Variants in RBFOX1 observed in about 807,000 individuals in gnomAD.
RBFOX1 encodes RNA binding fox-1 homolog 1, also known as RNA binding protein fox-1 homolog 1.
In RBFOX1, 8 loss-of-function variants were observed where a neutral mutation model predicts 57.7. The observed-to-expected ratio is 0.14, with a 90% CI of 0.08 to 0.25. The LOEUF (loss-of-function observed/expected upper bound fraction) is 0.25, where lower values mean the gene tolerates loss of function less well. Among genes scored for constraint, RBFOX1 ranks in the 10% least tolerant of loss-of-function variants. RBFOX1 has a pLI of 1.00. For missense variants in RBFOX1, 611 were observed against 548.5 expected (o/e 1.11, Z -1.14); for synonymous variants, 326 against 222.4 (o/e 1.47, Z -4.15).
At chr16:6,168,236 C>T (rs184385110) in intron 1 of RBFOX1, among the ~76,000 whole-genome samples, 3 of 152,312 alleles carry the variant, frequency 2.0e-5, no homozygotes, top group African/African-American at 7.2e-5. Flanking sequence ...TTAATCTGTT[C>T]ACATGAGAAA....
At chr16:6,844,427 ATAAG>A (rs1302702045) in intron 3 of RBFOX1, among the ~76,000 whole-genome samples, 1 of 152,096 alleles carries the variant, frequency 6.6e-6, no homozygotes, top group Admixed American at 6.5e-5. Context: ...CCTACTACTT[ATAAG>A]TAAGAACATG....
intron 4 of RBFOX1, among the ~76,000 whole-genome samples, chr16:7,122,920 T>C (rs957420246): frequency 6.6e-6 from 1 of 152,132 alleles, no homozygotes; most frequent in Non-Finnish European, 1.5e-5. Flanking sequence ...TTCAAAAGCA[T>C]TATGCTAAGA....
intron 1 of RBFOX1, among the ~76,000 whole-genome samples, chr16:5,465,387 G>C (rs1051270488): frequency 6.6e-6 from 1 of 152,160 alleles, no homozygotes; most frequent in Admixed American, 6.5e-5. Context: ...CTCTTTAAAG[G>C]TCCTGTCTGC....
chr16:5,471,702 A>G (rs972523156), intron 2 of RBFOX1, among the ~76,000 whole-genome samples: 13 of 152,212 alleles, frequency 8.5e-5, no homozygotes, highest in Non-Finnish European at 1.6e-4. Context: ...GGACCTCGGG[A>G]GTATTTACAC....
intron 1 of RBFOX1, among the ~76,000 whole-genome samples, chr16:5,388,867 G>C (rs910899782): frequency 1.3e-5 from 2 of 150,640 alleles, no homozygotes; most frequent in Admixed American, 1.3e-4. Flanking sequence ...GTGAGTCACC[G>C]CGCCTTGCCA....
chr16:5,427,701 T>C (rs1419603351), intron 1 of RBFOX1, among the ~76,000 whole-genome samples: 2 of 152,164 alleles, frequency 1.3e-5, no homozygotes, highest in African/African-American at 2.4e-5. Flanking sequence ...TCAAAGGCCG[T>C]CTGCTGTAAG....
intron 3 of RBFOX1, among the ~76,000 whole-genome samples, chr16:5,795,710 A>C (rs984000573): frequency 1.3e-5 from 2 of 152,158 alleles, no homozygotes; most frequent in African/African-American, 4.8e-5. Context: ...TGGCCTCCTA[A>C]ATAGATCCAT....
intron 3 of RBFOX1, among the ~76,000 whole-genome samples, chr16:6,840,006 T>C (rs1186244392): frequency 2.6e-5 from 4 of 152,168 alleles, no homozygotes; most frequent in Non-Finnish European, 5.9e-5. Context: ...CAAAATAATA[T>C]CTGTAGCAAC....
chr16:6,120,710 T>C (rs1397217660), intron 1 of RBFOX1, among the ~76,000 whole-genome samples: 2 of 152,232 alleles, frequency 1.3e-5, no homozygotes, highest in East Asian at 3.9e-4. Context: ...TTTTATGTTC[T>C]TGCTTGTGGC....
At chr16:6,686,525 A>C (rs1167903347) in intron 3 of RBFOX1, among the ~76,000 whole-genome samples, 2 of 152,206 alleles carry the variant, frequency 1.3e-5, no homozygotes, top group East Asian at 1.9e-4. Flanking sequence ...TCTTCCATCC[A>C]TGAAATTATA....
At chr16:7,481,065 G>C (rs1008518545) in intron 4 of RBFOX1, among the ~76,000 whole-genome samples, 12 of 152,100 alleles carry the variant, frequency 7.9e-5, no homozygotes, top group African/African-American at 2.9e-4. Flanking sequence ...TTGAATTCTA[G>C]CTCTTCCTAT....
chr16:6,020,979 C>T (rs2095063081), intron 1 of RBFOX1, among the ~76,000 whole-genome samples: 1 of 152,202 alleles, frequency 6.6e-6, no homozygotes, highest in Non-Finnish European at 1.5e-5. Flanking sequence ...GAGCTCATCG[C>T]TCCTGTGTGG....
intron 3 of RBFOX1, among the ~76,000 whole-genome samples, chr16:6,802,350 T>A (rs1202935679): frequency 6.6e-6 from 1 of 152,168 alleles, no homozygotes; most frequent in East Asian, 1.9e-4. Context: ...TGGATGTTAT[T>A]TGACATTTCC....
chr16:7,347,983 C>T (rs779818355), intron 4 of RBFOX1, among the ~76,000 whole-genome samples: 3 of 152,156 alleles, frequency 2.0e-5, no homozygotes, highest in African/African-American at 2.4e-5. Flanking sequence ...AAAGCAAGGC[C>T]CACCTTGGTG....
intron 14 of RBFOX1, among the ~76,000 whole-genome samples, chr16:7,694,102 A>AGT (rs2078043255): frequency 6.6e-6 from 1 of 152,204 alleles, no homozygotes; most frequent in African/African-American, 2.4e-5. Context: ...AAGATAGGTG[A>AGT]ATGCCTTAAC....
chr16:6,058,095 A>G (rs963797939), intron 1 of RBFOX1, among the ~76,000 whole-genome samples: 2 of 152,116 alleles, frequency 1.3e-5, no homozygotes, highest in African/African-American at 4.8e-5. Context: ...AGGCTTGTGA[A>G]AAGGGTTTTT....
At chr16:7,364,451 C>G (rs767772800) in intron 4 of RBFOX1, among the ~76,000 whole-genome samples, 1 of 151,764 alleles carries the variant, frequency 6.6e-6, no homozygotes, top group Non-Finnish European at 1.5e-5. Flanking sequence ...TTCATTTGAC[C>G]ATTATTAGCA....
intron 2 of RBFOX1, among the ~76,000 whole-genome samples, chr16:6,623,172 G>A: frequency 6.6e-6 from 1 of 152,148 alleles, no homozygotes; most frequent in East Asian, 1.9e-4. Flanking sequence ...TTACATTGTA[G>A]TAAGGCAATA....
chr16:5,373,720 C>T (rs1052466617), intron 1 of RBFOX1, among the ~76,000 whole-genome samples: 1 of 150,354 alleles, frequency 6.7e-6, no homozygotes, highest in Admixed American at 6.6e-5. Flanking sequence ...TCTCCTGTCT[C>T]AGCCTCCCAA....
Sources: gnomAD v4.1 joint callset for allele counts (sites outside exome capture counted in the v4.1 genomes callset) on GRCh38, gnomAD v4.1.1 for gene constraint, MANE v1.5 for transcripts, NCBI Gene and HGNC (gene_info 2026-07-23, HGNC 2026-07-21) for gene names.